XDH: variants seen among roughly 807,000 people sequenced by gnomAD.
XDH encodes xanthine dehydrogenase/oxidase.
XDH carries 138 observed loss-of-function variants against 156.1 expected under a neutral mutation model. The ratio of observed to expected loss-of-function variants is 0.88; its 90% CI spans 0.77 to 1.02. The LOEUF (loss-of-function observed/expected upper bound fraction) is 1.02, where lower values mean the gene tolerates loss of function less well. XDH is among the 50% of genes least tolerant of loss of function. The pLI, the probability that XDH is intolerant of heterozygous loss-of-function variation, is 0.00. For synonymous variants in XDH, 669 were observed against 625.7 expected, an observed-to-expected ratio of 1.07 and a Z score of -1.03; for missense variants, 1,849 against 1,684.9, an observed-to-expected ratio of 1.10 and a Z score of -1.71.
At chr2:31,347,279 G>C (rs45504294) in intron 29 of XDH, among the ~76,000 whole-genome samples, 2 of 152,126 alleles carry the variant, frequency 1.3e-5, no homozygotes, top group Non-Finnish European at 2.9e-5. Flanking sequence ...GCTTTCCCTC[G>C]GTATCCTCAT....
chr2:31,370,966 G>A (rs559238226), intron 17 of XDH, among the ~76,000 whole-genome samples: 1 of 152,334 alleles, frequency 6.6e-6, no homozygotes, highest in Admixed American at 6.5e-5. Flanking sequence ...TCTGGCTCAT[G>A]CACACATCAC....
chr2:31,377,935 C>A (rs1409979590), intron 13 of XDH, among the ~76,000 whole-genome samples: 2 of 150,876 alleles, frequency 1.3e-5, no homozygotes, highest in Admixed American at 6.6e-5. Flanking sequence ...GTGAGAGGAT[C>A]ACTTGAGCCT....
At chr2:31,368,265 C>G (rs1025290019) in intron 19 of XDH, among the ~76,000 whole-genome samples, 2 of 152,142 alleles carry the variant, frequency 1.3e-5, no homozygotes, top group Admixed American at 1.3e-4. Context: ...GTGGACAACC[C>G]TGGACCTTGA....
Position 31,402,946 on chromosome 2 carries a change from C to T in XDH, c.197+102G>A, listed in dbSNP as rs1049903104. 4 of 1,252,296 alleles carry T rather than the reference C, an allele frequency of 3.2e-6. No homozygotes were observed. The African/African-American group carries it at 4.4e-5, about 14-fold the overall frequency. The allele number at this position is 1,252,296 out of a possible 1,614,324, so 77.6% of individuals were successfully genotyped here. The stretch of plus-strand genomic sequence containing the variant: ...TTCTCCATAAAAACAGGGGCTCACA[C>T]ATGCGCACATGCACATACACACATA... On this transcript the variant is annotated intron_variant, in intron 3 of 35. Coordinates refer to ENST00000379416, the MANE Select transcript of XDH (RefSeq NM_000379.4).
chr2:31,349,777 G>A lies in XDH; in HGVS notation c.2878C>T (p.Leu960Phe), dbSNP rs1293827457. The A allele has an allele frequency of 8.1e-6, 13 of 1,614,064 alleles. No individual in the cohort carries two copies. The highest frequency in any genetic ancestry group is 1.1e-5 in the Non-Finnish European group (13 of 1,180,050). The change falls in exon 26 of 36, where the codon CTT becomes TTT. Residue 960 changes from leucine (L) to phenylalanine (F), a missense_variant. Physicochemically the swap from Leu to Phe is conservative, Grantham distance 22. Coordinates refer to ENST00000379416, the MANE Select transcript of XDH (RefSeq NM_000379.4). ...CATCTGGGCAAGGTGAAACCCTCAA[G>A]CTTCTGGTTGAAGTGTGTCAGGTCC... ...EGDLTHFNQKLEGFTLPRCWE... is the reference protein window; with the variant it reads ...EGDLTHFNQKFEGFTLPRCWE...
At position 31,364,013 on chromosome 2, in the gene XDH, G is replaced by C. The variant is rs980858138; in HGVS notation, c.2631+145C>G. The C allele has an allele frequency of 8.5e-6, 6 of 708,288 alleles. No individual in the cohort carries two copies. In the Admixed American group the frequency reaches 1.1e-4, roughly 13 times the overall value. 43.9% of individuals were successfully genotyped at this position (708,288 alleles called of 1,614,324 possible). A position where few individuals can be genotyped will look rare whatever the true frequency, so the allele number is the denominator to read the frequency against. On this transcript the variant is annotated intron_variant, in intron 24 of 35. Coordinates refer to ENST00000379416, the MANE Select transcript of XDH (RefSeq NM_000379.4). ...CATCATTGTGCTATAGAGATTAATC[G>C]AGGATGGGAAACCTGAAGGTGGGGA... is the stretch of plus-strand genomic sequence containing the variant.
intron 21 of XDH, 50 bp from the exon 22 acceptor site, chr2:31,366,159 T>A (rs772920890): frequency 1.2e-6 from 2 of 1,614,098 alleles, no homozygotes; most frequent in South Asian, 2.2e-5. Context: ...CCTGAACTTA[T>A]TTCAGGCCTA....
chr2:31,375,023 C>CTTTCTTTCTT (rs765524563), intron 15 of XDH, among the ~76,000 whole-genome samples: 2 of 92,336 alleles, frequency 2.2e-5, no homozygotes, highest in Non-Finnish European at 3.9e-5. Context: ...TTCTTTCTTT[C>CTTTCTTTCTT]TTTTTTTTTT....
Position 31,337,627 on chromosome 2 carries a change from GA to G in XDH, c.3951+13del. Reference sequence around the variant, plus strand: ...CCTCCCCTGGACTGAGTGGATGCTTGAGGGGCATCATACCAGGGTGGTGAAC... The same window carrying G: ...CCTCCCCTGGACTGAGTGGATGCTTGGGGGCATCATACCAGGGTGGTGAAC... On this transcript the variant is annotated intron_variant, in intron 35 of 35. Transcript: ENST00000379416. The G allele has an allele frequency of 6.2e-7, 1 of 1,613,730 alleles. No homozygotes were observed. Among genetic ancestry groups the G allele is most frequent in the Non-Finnish European group, 8.5e-7 (1 of 1,180,026 alleles).
At chr2:31,400,592 T>G (rs1400223104) in intron 4 of XDH, among the ~76,000 whole-genome samples, 1 of 152,296 alleles carries the variant, frequency 6.6e-6, no homozygotes, top group African/African-American at 2.4e-5. Flanking sequence ...CAAACCAGTC[T>G]AAGATTATTA....
At chr2:31,339,077 T>C (rs1357910775) in intron 34 of XDH, among the ~76,000 whole-genome samples, 1 of 152,056 alleles carries the variant, frequency 6.6e-6, no homozygotes, top group African/African-American at 2.4e-5. Flanking sequence ...AAAGGGTGTG[T>C]ACAAAGGTGC....
At position 31,366,892 on chromosome 2, in the gene XDH, G is replaced by A. The variant is rs1209584615; in HGVS notation, c.2300C>T (p.Thr767Ile). 2 of 1,614,210 alleles carry A rather than the reference G, an allele frequency of 1.2e-6. No individual in the cohort carries two copies. The highest frequency in any genetic ancestry group is 1.1e-5 in the South Asian group (1 of 91,082). The change falls in exon 21 of 36, where the codon ACA (threonine) becomes ATA (isoleucine). Residue 767 changes from threonine (T) to isoleucine (I), a missense_variant. Transcript: ENST00000379416. Reference protein sequence around the residue: ...EAGEMELFVSTQNTMKTQSFV... With the variant: ...EAGEMELFVSIQNTMKTQSFV... ...TACCTGGGTCTTCATGGTGTTCTGTGTAGACACAAAGAGCTCCATCTCCCC... is the reference window on the plus strand; with the variant it reads ...TACCTGGGTCTTCATGGTGTTCTGTATAGACACAAAGAGCTCCATCTCCCC...
chr2:31,343,577 G>GGCATATATATA (rs1685200406), intron 31 of XDH, among the ~76,000 whole-genome samples: 1 of 92,008 alleles, frequency 1.1e-5, no homozygotes, highest in Admixed American at 9.8e-5. Context: ...TATATATTCA[G>GGCATATATATA]TGTAATATCT....
At chr2:31,383,666 G>A in intron 10 of XDH, 89 bp downstream of exon 10, 3 of 1,277,446 alleles carry the variant, frequency 2.3e-6, no homozygotes, top group Non-Finnish European at 3.3e-6. Context: ...AGAGCCAGTG[G>A]GGAGACCACC....
rs1200225203 is a variant in XDH, at chr2:31,350,027, C to T, written c.2823+5G>A. On this transcript the variant is annotated splice_donor_5th_base_variant and intron_variant, in intron 25 of 35. Transcript: ENST00000379416. ...CTGACTTGTGCTACCAAATTCTCAGCTTACCTCCTCTGCAGGCATCCCACA... is the reference window on the plus strand; with the variant it reads ...CTGACTTGTGCTACCAAATTCTCAGTTTACCTCCTCTGCAGGCATCCCACA... 1 of 1,613,738 alleles carries T rather than the reference C, an allele frequency of 6.2e-7. No individual in the cohort carries two copies. The highest frequency in any genetic ancestry group is 2.2e-5 in the East Asian group (1 of 44,896).
At chr2:31,340,722 G>A (rs997493839) in intron 33 of XDH, among the ~76,000 whole-genome samples, 5 of 152,006 alleles carry the variant, frequency 3.3e-5, no homozygotes, top group Admixed American at 1.3e-4. Context: ...TGCCTGCCTC[G>A]GCCTCCCAGA....
At chr2:31,362,871 A>G (rs1244649292) in intron 24 of XDH, among the ~76,000 whole-genome samples, 1 of 152,240 alleles carries the variant, frequency 6.6e-6, no homozygotes, top group Non-Finnish European at 1.5e-5. Context: ...CTAGTATGAG[A>G]GTGTTCAGAG....
intron 21 of XDH, among the ~76,000 whole-genome samples, chr2:31,366,554 G>A (rs998485991): frequency 2.0e-5 from 3 of 152,162 alleles, no homozygotes; most frequent in African/African-American, 7.2e-5. Flanking sequence ...TGACTTGACC[G>A]AGGCCATAGG....
chr2:31,379,837 C>G, intron 13 of XDH, 30 bp downstream of exon 13: 1 of 1,606,380 alleles, frequency 6.2e-7, no homozygotes, highest in Non-Finnish European at 8.5e-7. Flanking sequence ...CTTATTTGAG[C>G]AGAGCCTGGA....
Sources: allele counts gnomAD v4.1 joint callset (sites outside exome capture counted in the v4.1 genomes callset), GRCh38; gene constraint gnomAD v4.1.1; transcripts MANE v1.5; gene names NCBI Gene and HGNC (gene_info 2026-07-23, HGNC 2026-07-21).